The following MRPS31 variants were observed in gnomAD, a reference collection of about 807,000 sequenced individuals.
MRPS31 encodes the protein small ribosomal subunit protein mS31.
Under a neutral mutation model 43.1 loss-of-function variants are expected in MRPS31, and 32 were observed. The ratio of observed to expected loss-of-function variants is 0.74; its 90% CI spans 0.56 to 1.00. The LOEUF (loss-of-function observed/expected upper bound fraction) is 1.00, where lower values mean the gene tolerates loss of function less well. MRPS31 is among the 50% of genes least tolerant of loss of function. The probability of loss-of-function intolerance (pLI) is 0.00; values close to 1 mark genes in which losing one functional copy is unlikely to be tolerated. For synonymous variants in MRPS31, 165 were observed against 161.6 expected (o/e 1.02, Z -0.16); for missense variants, 437 against 466.7 (o/e 0.94, Z 0.59).
At chr13:40,757,687 G>A (rs1362847971) in intron 3 of MRPS31, among the ~76,000 whole-genome samples, 2 of 148,742 alleles carry the variant, frequency 1.3e-5, no homozygotes, top group Admixed American at 1.3e-4. Flanking sequence ...GTGGTGATCC[G>A]CTTGCCTCAG....
intron 6 of MRPS31, among the ~76,000 whole-genome samples, chr13:40,735,300 A>G (rs1049349274): frequency 5.3e-5 from 8 of 152,336 alleles, no homozygotes; most frequent in East Asian, 1.9e-4. Context: ...AGTCTCGCTG[A>G]TTGCTAGCAC....
intron 6 of MRPS31, among the ~76,000 whole-genome samples, chr13:40,733,358 G>GT (rs142657827): frequency 0.043 from 6,528 of 152,122 alleles, 210 homozygotes; most frequent in Middle Eastern, 0.082. Flanking sequence ...TGGAGAGATT[G>GT]TAAGATAATA....
intron 6 of MRPS31, among the ~76,000 whole-genome samples, chr13:40,741,888 TAC>T (rs61011673): frequency 0.28 from 38,702 of 140,142 alleles, 5,162 homozygotes; most frequent in Non-Finnish European, 0.32. Flanking sequence ...AGTAACAAAA[TAC>T]ACACACACAC....
rs1340092881 is a variant in MRPS31 at position 40,754,100 on chromosome 13, CA to C, written c.741-9del. The C allele has an allele frequency of 8.9e-6, 13 of 1,463,440 alleles. No individual in the cohort carries two copies. The highest frequency in any genetic ancestry group is 3.9e-5 in the Admixed American group (2 of 50,938). The allele number at this position is 1,463,440 out of a possible 1,614,324, so 90.7% of individuals were successfully genotyped here. On this transcript the variant is annotated splice_polypyrimidine_tract_variant and intron_variant, in intron 4 of 6. Transcript: ENST00000323563. The stretch of plus-strand genomic sequence containing the variant: ...CCTGTGAATATATTTTTCCTAAGTC[CA>C]AAAAAAGAAAATAACATTTTAATGA...
At chr13:40,756,393 A>C (rs1880526873) in intron 4 of MRPS31, among the ~76,000 whole-genome samples, 1 of 152,232 alleles carries the variant, frequency 6.6e-6, no homozygotes, top group South Asian at 2.1e-4. Flanking sequence ...ATAATCTACC[A>C]TTTTAAAGTG....
intron 2 of MRPS31, 148 bp from the exon 3 acceptor site, chr13:40,759,254 T>G (rs1306510015): frequency 3.9e-6 from 2 of 510,932 alleles, no homozygotes; most frequent in Admixed American, 4.1e-5. Context: ...CTGGCCAACA[T>G]GGTGAAACCC....
intron 2 of MRPS31, among the ~76,000 whole-genome samples, chr13:40,763,325 A>T (rs1411518960): frequency 1.3e-5 from 2 of 152,180 alleles, no homozygotes; most frequent in Non-Finnish European, 2.9e-5. Context: ...ACAGTCAATC[A>T]TCTTAGAGTA....
At chr13:40,735,678 C>T (rs1566104153) in intron 6 of MRPS31, among the ~76,000 whole-genome samples, 1 of 152,090 alleles carries the variant, frequency 6.6e-6, no homozygotes, top group Admixed American at 6.5e-5. Context: ...CAGACTGACA[C>T]CTCACACTGC....
At chr13:40,754,146 C>A (rs1880467039) in intron 4 of MRPS31, 54 bp from the exon 5 acceptor site, 1 of 976,738 alleles carries the variant, frequency 1.0e-6, no homozygotes, top group Non-Finnish European at 1.5e-6. Flanking sequence ...AAACTGTCAA[C>A]AAAAACTATG....
chr13:40,758,909 G>A (rs1347725632), intron 3 of MRPS31, 39 bp downstream of exon 3: 5 of 1,482,658 alleles, frequency 3.4e-6, no homozygotes, highest in East Asian at 4.8e-5. Flanking sequence ...CCCATTTTGA[G>A]ATATAAACAT....
chr13:40,755,008 T>TG (rs2138009625), intron 4 of MRPS31, among the ~76,000 whole-genome samples: 1 of 152,370 alleles, frequency 6.6e-6, no homozygotes, highest in Admixed American at 6.5e-5. Context: ...CACTCCAGGC[T>TG]GGGCGATAAG....
chr13:40,769,537 G>C (rs776503710), intron 1 of MRPS31, among the ~76,000 whole-genome samples: 1 of 151,288 alleles, frequency 6.6e-6, no homozygotes, highest in Non-Finnish European at 1.5e-5. Context: ...GAAAACGTCA[G>C]AGGCTATCAA....
chr13:40,769,407 TA>T (rs1880943995), intron 1 of MRPS31, among the ~76,000 whole-genome samples: 1 of 106,898 alleles, frequency 9.4e-6, no homozygotes, highest in African/African-American at 4.5e-5. Context: ...TATATATATA[TA>T]TATATATATA....
chr13:40,751,722 A>G (rs564763534), intron 5 of MRPS31, among the ~76,000 whole-genome samples: 74 of 152,292 alleles, frequency 4.9e-4, no homozygotes, highest in Middle Eastern at 6.8e-3. Flanking sequence ...ACGTTTCCAC[A>G]TTTTGCTATT....
intron 6 of MRPS31, among the ~76,000 whole-genome samples, chr13:40,747,050 T>C (rs1337276191): frequency 6.6e-6 from 1 of 152,164 alleles, no homozygotes; most frequent in Non-Finnish European, 1.5e-5. Flanking sequence ...AGTCACATTA[T>C]TATACCTCAA....
chr13:40,763,196 G>A (rs1474681625), intron 2 of MRPS31, among the ~76,000 whole-genome samples: 3 of 152,164 alleles, frequency 2.0e-5, no homozygotes, highest in Admixed American at 2.0e-4. Flanking sequence ...CACTACAGGT[G>A]ACACCTGGCC....
chr13:40,750,453 G>A (rs1164267913), intron 5 of MRPS31, among the ~76,000 whole-genome samples: 1 of 151,806 alleles, frequency 6.6e-6, no homozygotes, highest in Non-Finnish European at 1.5e-5. Context: ...AATTATAACT[G>A]GTAGTTTCAT....
At chr13:40,731,695 G>A (rs554812149) in intron 6 of MRPS31, among the ~76,000 whole-genome samples, 2 of 152,194 alleles carry the variant, frequency 1.3e-5, no homozygotes, top group South Asian at 2.1e-4. Context: ...AAAAGACAGA[G>A]ACTGGCACAG....
intron 6 of MRPS31, among the ~76,000 whole-genome samples, chr13:40,743,943 A>G (rs1253376193): frequency 6.6e-6 from 1 of 152,244 alleles, no homozygotes; most frequent in Non-Finnish European, 1.5e-5. Context: ...AAGACATGGA[A>G]TCAACCTAGG....
Sources: gnomAD v4.1 joint callset for allele counts (sites outside exome capture counted in the v4.1 genomes callset) on GRCh38, gnomAD v4.1.1 for gene constraint, MANE v1.5 for transcripts, NCBI Gene and HGNC (gene_info 2026-07-23, HGNC 2026-07-21) for gene names.